Variants in TBXAS1 observed in about 807,000 individuals in gnomAD.
The protein encoded by TBXAS1 is thromboxane-A synthase.
TBXAS1 carries 48 observed loss-of-function variants against 60.7 expected under a neutral mutation model. The observed-to-expected ratio is 0.79, with a 90% confidence interval of 0.63 to 1.01. The LOEUF is 1.01. Ranked by LOEUF, TBXAS1 falls within the 50% of genes least tolerant of loss-of-function variation. The pLI is 0.00. For synonymous variants in TBXAS1, 287 were observed against 269.7 expected (o/e 1.06, Z -0.63); for missense variants, 685 against 686.3 (o/e 1.00, Z 0.02).
rs1813929391 is a variant in TBXAS1, at chr7:140,004,762, C to T, written c.1135-2329C>T. Among the ~76,000 whole-genome samples the T allele has an allele frequency of 1.3e-5, 2 of 152,216 alleles. No individual in the cohort carries two copies. Among genetic ancestry groups the T allele is most frequent in the East Asian group, 3.8e-4 (2 of 5,196 alleles). On this transcript the variant is annotated intron_variant, in intron 9 of 12. Coordinates refer to ENST00000448866, the MANE Select transcript of TBXAS1 (RefSeq NM_001061.7). This position sits in a 1 kb window ranked among gnomAD's most constrained non-coding sequence, Gnocchi z 5.1. ...CACAGCCTTCCCCAGCCAGCCACAGCAGACTAACCTCCAAGGATCTCTAAA... is the reference window on the plus strand; with the variant it reads ...CACAGCCTTCCCCAGCCAGCCACAGTAGACTAACCTCCAAGGATCTCTAAA...
intron 2 of TBXAS1, 121 bp from the exon 3 acceptor site, chr7:139,875,464 C>T (rs999889523): frequency 5.4e-5 from 46 of 856,312 alleles, no homozygotes; most frequent in Non-Finnish European, 8.5e-5. Flanking sequence ...AATATAACTT[C>T]CATTCTTTTT....
At chr7:139,933,663 G>T (rs1278366511) in intron 4 of TBXAS1, among the ~76,000 whole-genome samples, 1 of 152,106 alleles carries the variant, frequency 6.6e-6, no homozygotes, top group East Asian at 1.9e-4. Context: ...ACGTTTTATG[G>T]CTTATTTTGA....
chr7:139,801,228 T>G (rs1797715866), intron 4 of TBXAS1, among the ~76,000 whole-genome samples: 1 of 152,242 alleles, frequency 6.6e-6, no homozygotes, highest in Non-Finnish European at 1.5e-5. Flanking sequence ...AAATTCCCCT[T>G]CAACATTTAA....
chr7:139,901,433 T>C (rs1804568577), intron 3 of TBXAS1, among the ~76,000 whole-genome samples: 1 of 152,050 alleles, frequency 6.6e-6, no homozygotes, highest in Non-Finnish European at 1.5e-5. Flanking sequence ...AAATCTAGAT[T>C]ATGCGTAAGA....
At chr7:139,829,513 G>A (rs370214777) in intron 1 of TBXAS1, 34 bp downstream of exon 1, 192 of 1,597,072 alleles carry the variant, frequency 1.2e-4, no homozygotes, top group Middle Eastern at 1.7e-4. Context: ...CTGTGACAGC[G>A]TCAGCCGTCT....
Position 140,015,874 on chromosome 7 carries a change from C to T in TBXAS1, c.1364+14C>T. The T allele has an allele frequency of 6.2e-7, 1 of 1,613,558 alleles. No homozygotes were observed. Among genetic ancestry groups the T allele is most frequent in the Middle Eastern group, 1.7e-4 (1 of 6,060 alleles). The stretch of plus-strand genomic sequence containing the variant: ...CAACCCTGAAAGGTGAGTACTGCCC[C>T]TTTTAAAAAGCTCTGAAGGGATGTG... On this transcript the variant is annotated intron_variant, in intron 11 of 12. Transcript: ENST00000448866.
At chr7:139,939,261 C>T (rs141555776) in intron 5 of TBXAS1, among the ~76,000 whole-genome samples, 1 of 150,512 alleles carries the variant, frequency 6.6e-6, no homozygotes, top group Non-Finnish European at 1.5e-5. Context: ...CTACTCAGGA[C>T]CCTGAGGCAG....
chr7:139,847,816 G>C (rs561010904), intron 1 of TBXAS1, among the ~76,000 whole-genome samples: 1 of 152,184 alleles, frequency 6.6e-6, no homozygotes, highest in African/African-American at 2.4e-5. Context: ...TGCAATATTT[G>C]TTGTTTGTTT....
chr7:139,905,005 C>CTCTTTCTCTCTT (rs1554487120), intron 3 of TBXAS1, among the ~76,000 whole-genome samples: 215 of 90,458 alleles, frequency 2.4e-3, no homozygotes, highest in East Asian at 7.7e-3. Flanking sequence ...CTCTCTTTCT[C>CTCTTTCTCTCTT]TCTTTCTTTC....
At chr7:139,930,864 T>C (rs899113281) in intron 4 of TBXAS1, among the ~76,000 whole-genome samples, 16 of 152,006 alleles carry the variant, frequency 1.1e-4, no homozygotes, top group Non-Finnish European at 4.4e-5. Flanking sequence ...TCAGCCAGGG[T>C]GGCAGCTGTG....
Position 139,916,999 on chromosome 7 carries a change from T to G in TBXAS1, c.333+5678T>G, listed in dbSNP as rs867157015. On this transcript the variant is annotated intron_variant, in intron 4 of 12. Transcript: ENST00000448866. The surrounding 1 kb of genome is among the most constrained non-coding windows in gnomAD (Gnocchi z 4.2). ...TCTCTTAAATCAAACATTGAGTAAATGAAGACACTCAGATGTTCAAACATG... is the reference window on the plus strand; with the variant it reads ...TCTCTTAAATCAAACATTGAGTAAAGGAAGACACTCAGATGTTCAAACATG... 3.9e-5 allele frequency among the ~76,000 whole-genome samples: 6 copies of G among 152,228 alleles called. No homozygotes were observed. Among genetic ancestry groups the G allele is most frequent in the Non-Finnish European group, 8.8e-5 (6 of 68,030 alleles).
chr7:139,805,178 T>A (rs112460280), intron 4 of TBXAS1, among the ~76,000 whole-genome samples: 1 of 152,252 alleles, frequency 6.6e-6, no homozygotes, highest in Admixed American at 6.5e-5. Context: ...CCAGGCCTGA[T>A]TTGGAACATT....
At chr7:139,917,310 G>T (rs551194973) in intron 4 of TBXAS1, among the ~76,000 whole-genome samples, 2 of 152,052 alleles carry the variant, frequency 1.3e-5, no homozygotes, top group Admixed American at 1.3e-4. Flanking sequence ...CTTCTCTGCC[G>T]CAATCTTCTT....
At chr7:139,931,982 C>G (rs914426146) in intron 4 of TBXAS1, among the ~76,000 whole-genome samples, 7 of 151,862 alleles carry the variant, frequency 4.6e-5, no homozygotes, top group Non-Finnish European at 7.4e-5. Flanking sequence ...AGTAGCACAA[C>G]CATGTGAGTG....
chr7:139,927,237 C>T (rs902629458), intron 4 of TBXAS1, among the ~76,000 whole-genome samples: 2 of 151,460 alleles, frequency 1.3e-5, no homozygotes, highest in African/African-American at 2.4e-5. Flanking sequence ...GCCTCAAGTG[C>T]TCTGCCTGCC....
intron 1 of TBXAS1, among the ~76,000 whole-genome samples, chr7:139,832,920 G>A (rs1163269840): frequency 6.6e-6 from 1 of 150,782 alleles, no homozygotes; most frequent in Non-Finnish European, 1.5e-5. Context: ...TGAGAGAATT[G>A]CCATTACTAG....
At chr7:139,924,969 T>G (rs1806773524) in intron 4 of TBXAS1, among the ~76,000 whole-genome samples, 1 of 152,212 alleles carries the variant, frequency 6.6e-6, no homozygotes, top group Admixed American at 6.5e-5. Context: ...TCACTGTAGA[T>G]GTATAGATTT....
At chr7:139,932,923 G>C (rs1269646228) in intron 4 of TBXAS1, among the ~76,000 whole-genome samples, 2 of 152,058 alleles carry the variant, frequency 1.3e-5, no homozygotes, top group African/African-American at 2.4e-5. Flanking sequence ...CTGACATGGT[G>C]GCATGTACCT....
intron 1 of TBXAS1, among the ~76,000 whole-genome samples, chr7:139,836,208 A>G (rs117197161): frequency 0.094 from 14,352 of 152,218 alleles, 791 homozygotes; most frequent in Non-Finnish European, 0.13. Flanking sequence ...TTCATGGATG[A>G]GTAGAATCAG....
Sources: allele counts gnomAD v4.1 joint callset (sites outside exome capture counted in the v4.1 genomes callset), GRCh38; gene constraint gnomAD v4.1.1; non-coding constraint Gnocchi (gnomAD v3.1); transcripts MANE v1.5; gene names NCBI Gene and HGNC (gene_info 2026-07-23, HGNC 2026-07-21).